Variants in CTNND2 observed in about 807,000 individuals in gnomAD.
CTNND2 encodes the protein catenin delta 2.
In CTNND2, 22 loss-of-function variants were observed where a neutral mutation model predicts 144.4. The observed-to-expected ratio is 0.15, with a 90% CI of 0.11 to 0.22. The LOEUF (loss-of-function observed/expected upper bound fraction) is 0.22. Ranked by LOEUF, CTNND2 falls within the 10% of genes least tolerant of loss-of-function variation. The pLI, the probability that CTNND2 is intolerant of heterozygous loss-of-function variation, is 1.00. For missense variants in CTNND2, 1,353 were observed against 1,618.8 expected (o/e 0.84, Z 2.82); for synonymous variants, 751 against 695.6 (o/e 1.08, Z -1.25).
chr5:11,860,803 G>A (rs972651912), intron 1 of CTNND2, among the ~76,000 whole-genome samples: 13 of 151,970 alleles, frequency 8.6e-5, no homozygotes, highest in Non-Finnish European at 1.6e-4. Flanking sequence ...GTTACTCCAG[G>A]GTCTTGCATA....
intron 10 of CTNND2, among the ~76,000 whole-genome samples, chr5:11,203,343 G>A (rs1217797196): frequency 1.3e-5 from 2 of 152,154 alleles, no homozygotes; most frequent in Non-Finnish European, 2.9e-5. Flanking sequence ...CCAGCAAGCT[G>A]AGCCCAGGTT....
chr5:11,705,183 C>T (rs4260674), intron 2 of CTNND2, among the ~76,000 whole-genome samples: 30,235 of 152,072 alleles, frequency 0.2, 8,003 homozygotes, highest in African/African-American at 0.61. Context: ...AAATACCACA[C>T]TGACCTTCTG....
At position 11,721,383 on chromosome 5, in the gene CTNND2, T is replaced by TA. The variant is rs1336424469; in HGVS notation, c.174+10752dup. Among the ~76,000 whole-genome samples, 9 of 152,024 alleles carry TA rather than the reference T, an allele frequency of 5.9e-5. No individual in the cohort carries two copies. In the East Asian group the frequency reaches 7.7e-4, roughly 13 times the overall value. On this transcript the variant is annotated intron_variant, in intron 2 of 21. Coordinates refer to ENST00000304623, the MANE Select transcript of CTNND2 (RefSeq NM_001332.4). ...TAAATCTCAATAAGCTGTTTTTTTT[T>TA]AAATTCACCCCAGGCTACATAGAAT...
At position 11,353,354 on chromosome 5, in the gene CTNND2, C is replaced by T. The variant is rs116269073; in HGVS notation, c.1373-6727G>A. On this transcript the variant is annotated intron_variant, in intron 8 of 21. Transcript: ENST00000304623. Reference sequence around the variant, plus strand: ...TGCGTGTTTTACCCCCTCTCCTCCACTGTTCGGCACTAGAGGTGAGGGCAG... The same window carrying T: ...TGCGTGTTTTACCCCCTCTCCTCCATTGTTCGGCACTAGAGGTGAGGGCAG... Among the ~76,000 whole-genome samples, 419 of 152,350 alleles carry T rather than the reference C, an allele frequency of 2.8e-3. 2 individuals are homozygous for T. The highest frequency in any genetic ancestry group is 9.5e-3 in the African/African-American group (395 of 41,586).
chr5:11,041,675 A>C (rs13189742), intron 16 of CTNND2, among the ~76,000 whole-genome samples: 11,558 of 152,198 alleles, frequency 0.076, 563 homozygotes, highest in Non-Finnish European at 0.1. Context: ...TAACAAACCT[A>C]TGTCTACTGA....
intron 12 of CTNND2, among the ~76,000 whole-genome samples, chr5:11,157,806 C>T (rs1034045316): frequency 6.6e-6 from 1 of 152,160 alleles, no homozygotes; most frequent in Non-Finnish European, 1.5e-5. Flanking sequence ...ATTATGTGGT[C>T]ACTCCTGGCC....
At position 11,711,211 on chromosome 5, in the gene CTNND2, A is replaced by C. The variant is rs368124892; in HGVS notation, c.174+20925T>G. 4.1e-4 allele frequency among the ~76,000 whole-genome samples: 62 copies of C among 152,142 alleles called. 1 individual carries two copies. In the Middle Eastern group the frequency reaches 0.01, roughly 25 times the overall value. On this transcript the variant is annotated intron_variant, in intron 2 of 21. Coordinates refer to ENST00000304623, the MANE Select transcript of CTNND2 (RefSeq NM_001332.4). ...GCTGGGATTACAGGCATGTGCCACC[A>C]CGCCAGGCTAATTTTTGTATTTTTA...
chr5:11,445,978 T>A (rs1183934336), intron 3 of CTNND2, among the ~76,000 whole-genome samples: 1 of 152,180 alleles, frequency 6.6e-6, no homozygotes, highest in Non-Finnish European at 1.5e-5. Flanking sequence ...TTTTTGTTTG[T>A]TTTTTGTTTT....
chr5:11,572,535 C>G (rs549893205), intron 2 of CTNND2, among the ~76,000 whole-genome samples: 2 of 152,262 alleles, frequency 1.3e-5, no homozygotes, highest in South Asian at 4.1e-4. Context: ...GGTGGCTCCA[C>G]TGGATGGTAG....
chr5:11,666,337 G>A (rs1435495424), intron 2 of CTNND2, among the ~76,000 whole-genome samples: 1 of 152,042 alleles, frequency 6.6e-6, no homozygotes, highest in African/African-American at 2.4e-5. Context: ...CAACCCAGAG[G>A]GGAAACCAAA....
At chr5:11,083,892 AG>A in intron 15 of CTNND2, 1 of 1,132,228 alleles carries the variant, frequency 8.8e-7, no homozygotes, top group Non-Finnish European at 1.1e-6. Flanking sequence ...TGTGGCAGGC[AG>A]GGAGCCCCCT....
chr5:11,827,848 A>G (rs943948988), intron 1 of CTNND2, among the ~76,000 whole-genome samples: 2 of 152,212 alleles, frequency 1.3e-5, no homozygotes, highest in Non-Finnish European at 1.5e-5. Flanking sequence ...AATATTTTAA[A>G]AGAAATTATA....
At chr5:11,049,500 T>C (rs1421828706) in intron 16 of CTNND2, among the ~76,000 whole-genome samples, 2 of 152,186 alleles carry the variant, frequency 1.3e-5, no homozygotes, top group Non-Finnish European at 2.9e-5. Context: ...GCTTGCCAAA[T>C]GTGTTATGAT....
intron 18 of CTNND2, among the ~76,000 whole-genome samples, chr5:11,008,264 G>A (rs1740696551): frequency 6.6e-6 from 1 of 152,192 alleles, no homozygotes; most frequent in Admixed American, 6.5e-5. Context: ...AAGGAACTTT[G>A]CAGATGTGAT....
intron 12 of CTNND2, among the ~76,000 whole-genome samples, chr5:11,138,219 T>C (rs533645661): frequency 2.6e-3 from 397 of 152,310 alleles, no homozygotes; most frequent in Non-Finnish European, 4.0e-3. Context: ...TGCATCTCCC[T>C]GACTCCAGCC....
intron 1 of CTNND2, among the ~76,000 whole-genome samples, chr5:11,831,783 T>C (rs1053372770): frequency 6.6e-6 from 1 of 152,112 alleles, no homozygotes; most frequent in African/African-American, 2.4e-5. Flanking sequence ...TAACAACTGA[T>C]GGTAAAACAA....
intron 11 of CTNND2, among the ~76,000 whole-genome samples, chr5:11,180,663 G>C (rs1378912512): frequency 6.6e-6 from 1 of 152,152 alleles, no homozygotes; most frequent in Non-Finnish European, 1.5e-5. Context: ...TATCCTGCTG[G>C]GGACAGGGTC....
chr5:11,120,608 G>A (rs4460119), intron 12 of CTNND2, among the ~76,000 whole-genome samples: 629 of 12,420 alleles, frequency 0.051, no homozygotes, highest in Admixed American at 0.14. Context: ...GGGTTATCAT[G>A]CTGTCTGCAG....
At chr5:11,599,719 T>C (rs74603914) in intron 2 of CTNND2, among the ~76,000 whole-genome samples, 1,649 of 152,176 alleles carry the variant, frequency 0.011, 31 homozygotes, top group African/African-American at 0.038. Flanking sequence ...GTCAGGAAAA[T>C]AGAAAAGTGA....
Sources: gnomAD v4.1 joint callset for allele counts (sites outside exome capture counted in the v4.1 genomes callset) on GRCh38, gnomAD v4.1.1 for gene constraint, MANE v1.5 for transcripts, NCBI Gene and HGNC (gene_info 2026-07-23, HGNC 2026-07-21) for gene names.